FAAP100: variants seen among roughly 807,000 people sequenced by gnomAD.
FAAP100 encodes Fanconi anemia core complex-associated protein 100.
In FAAP100, 46 loss-of-function variants were observed where a neutral mutation model predicts 65.8. The ratio of observed to expected loss-of-function variants is 0.70; its 90% confidence interval spans 0.55 to 0.89. FAAP100 has a LOEUF of 0.89. Among genes scored for constraint, FAAP100 ranks in the 40% least tolerant of loss-of-function variants. The pLI, the probability that FAAP100 is intolerant of heterozygous loss-of-function variation, is 0.00. For synonymous variants in FAAP100, 663 were observed against 555.1 expected (o/e 1.19, Z -2.73); for missense variants, 1,165 against 1,196.7 (o/e 0.97, Z 0.39).
chr17:81,551,977 C>A lies in FAAP100; in HGVS notation c.241G>T (p.Ala81Ser). 1.3e-6 allele frequency: 2 copies of A among 1,566,172 alleles called. No individual in the cohort carries two copies. Among genetic ancestry groups the A allele is most frequent in the Non-Finnish European group, 1.7e-6 (2 of 1,165,292 alleles). ...APRRLLYALCARRGLYCLSLD... is the reference protein window; with the variant it reads ...APRRLLYALCSRRGLYCLSLD... ...GACAGGCAGTAGAGGCCCCTCCGGG[C>A]GCACAGCGCGTACAGCAACCTGCGC... The change falls in exon 2 of 9, where the codon GCC becomes TCC. Residue 81 changes from alanine to serine, a missense_variant. Coordinates refer to ENST00000327787, the MANE Select transcript of FAAP100 (RefSeq NM_025161.6).
In FAAP100 at chr17:81,550,768, G is replaced by A. The variant is rs1242942159; in HGVS notation, c.726C>T (p.Leu242=). 3 of 1,612,460 alleles carry A rather than the reference G, an allele frequency of 1.9e-6. No homozygotes were observed. The highest frequency in any genetic ancestry group is 2.5e-6 in the Non-Finnish European group (3 of 1,179,742). Residue 242 remains leucine (L), a synonymous_variant, in exon 3 of 9, where the codon CTC becomes CTT. Transcript: ENST00000327787. ...DATLLQSPVV[L]CGLPDGQLCC... Reference sequence around the variant, plus strand: ...AGAGCTGGCCATCAGGGAGACCACAGAGGACCACAGGTGACTGCAGGAGGG... The same window carrying A: ...AGAGCTGGCCATCAGGGAGACCACAAAGGACCACAGGTGACTGCAGGAGGG...
Position 81,544,070 on chromosome 17 carries a change from A to C in FAAP100, c.2361T>G (p.Ile787Met). Residue 787 changes from isoleucine (I) to methionine (M), a missense_variant, in exon 7 of 9, where the codon ATT (isoleucine) becomes ATG (methionine). Transcript: ENST00000327787. Reference protein sequence around the residue: ...CPAGPIQAVEIQVESSSLADI... With the variant: ...CPAGPIQAVEMQVESSSLADI... Reference sequence around the variant, plus strand: ...CGGCCAGAGAGGAGCTTTCCACTTGAATCTCCACGGCCTGGATGGGCCCTG... The same window carrying C: ...CGGCCAGAGAGGAGCTTTCCACTTGCATCTCCACGGCCTGGATGGGCCCTG... 6.2e-7 allele frequency: 1 copy of C among 1,612,606 alleles called. No individual in the cohort carries two copies. The highest frequency in any genetic ancestry group is 2.2e-5 in the East Asian group (1 of 44,858).
intron 5 of FAAP100, 118 bp from the exon 6 acceptor site, chr17:81,546,000 C>T (rs1393973104): frequency 9.7e-6 from 13 of 1,336,692 alleles, no homozygotes; most frequent in Non-Finnish European, 1.3e-5. Context: ...GCCATCTAAG[C>T]ATCCCAGCTG....
In FAAP100 at chr17:81,540,414, C is replaced by T. The variant is rs1396034759; in HGVS notation, c.*405G>A. 2.5e-6 allele frequency: 1 copy of T among 404,114 alleles called. No homozygotes were observed. The highest frequency in any genetic ancestry group is 2.1e-5 in the African/African-American group (1 of 48,738). 25.0% of individuals were successfully genotyped at this position (404,114 alleles called of 1,614,324 possible). Reference sequence around the variant, plus strand: ...GGCAGCAACAGTTACAAACTCACCCCAAGTCCAAACCCCAGAAATCCTGTT... The same window carrying T: ...GGCAGCAACAGTTACAAACTCACCCTAAGTCCAAACCCCAGAAATCCTGTT... On this transcript the variant is annotated 3_prime_UTR_variant, in exon 9 of 9. Coordinates refer to ENST00000327787, the MANE Select transcript of FAAP100 (RefSeq NM_025161.6).
rs759401424 is a variant in FAAP100 at position 81,550,524 on chromosome 17, T to C, written c.970A>G (p.Ile324Val). ...CCGGACTCATCCCAGCTGGCCTTGA[T>C]GGCCAGCATCCGGCCGTGGTGACCA... ...AFGHHGRMLA[I>V]KASWDESGKL... is the part of the protein sequence containing the mutation. Residue 324 changes from isoleucine (I) to valine (V), a missense_variant, in exon 3 of 9, where the codon ATC becomes GTC. Transcript: ENST00000327787. The C allele has an allele frequency of 3.7e-6, 6 of 1,612,746 alleles. No homozygotes were observed. The highest frequency in any genetic ancestry group is 3.3e-5 in the Admixed American group (2 of 60,008).
intron 7 of FAAP100, among the ~76,000 whole-genome samples, chr17:81,542,162 G>A (rs1160939438): frequency 3.4e-5 from 2 of 59,074 alleles, no homozygotes; most frequent in Admixed American, 2.8e-4. Flanking sequence ...GTGAGACTCC[G>A]TCTCAAAAAA....
In FAAP100 at chr17:81,546,791, C is replaced by A. The variant is rs924620282; in HGVS notation, c.2173+118G>T. ...ATCAATTGAGGCCAGGAGCTCGAGG[C>A]TGCAGTGAGCCATGATTGCACCACT... On this transcript the variant is annotated intron_variant, in intron 5 of 8. Transcript: ENST00000327787. 27 of 1,084,016 alleles carry A rather than the reference C, an allele frequency of 2.5e-5. No homozygotes were observed. In the African/African-American group the frequency reaches 4.2e-4, roughly 17 times the overall value. The allele number at this position is 1,084,016 out of a possible 1,614,324, so 67.1% of individuals were successfully genotyped here.
intron 3 of FAAP100, 132 bp downstream of exon 3, chr17:81,550,116 A>G (rs1412611512): frequency 5.7e-6 from 5 of 876,930 alleles, no homozygotes; most frequent in Middle Eastern, 3.1e-4. Flanking sequence ...GTTAACCACT[A>G]GGCTGTATCA....
rs1197579860 is a variant in FAAP100, at chr17:81,540,819, T to C, written c.2646A>G (p.Ter882TrpextTer39). 1 of 1,523,558 alleles carries C rather than the reference T, an allele frequency of 6.6e-7. No individual in the cohort carries two copies. The highest frequency in any genetic ancestry group is 8.8e-7 in the Non-Finnish European group (1 of 1,136,122). The allele number at this position is 1,523,558 out of a possible 1,614,324, so 94.4% of individuals were successfully genotyped here. ...AGAGCCCAGGGGCAGGCCCGCCTGG[T>C]CACAGCAGGATGAGGCTGGGGTGGC... ...QLRHPSLILL[*>W] is the part of the protein sequence containing the mutation. Residue 882 changes from the stop codon to tryptophan, a stop_lost, in exon 9 of 9, where the codon TGA becomes TGG. Coordinates refer to ENST00000327787, the MANE Select transcript of FAAP100 (RefSeq NM_025161.6).
In FAAP100 at chr17:81,541,397, T is replaced by C. The variant is rs1441470635; in HGVS notation, c.2428-2A>G. 1.9e-6 allele frequency: 3 copies of C among 1,603,094 alleles called. No individual in the cohort carries two copies. The highest frequency in any genetic ancestry group is 2.2e-5 in the South Asian group (2 of 90,566). ...GGTGGCCTGCTCTGTCACCATCGTCTGGGGGACACAGGAGACATGCTGGAG... is the reference window on the plus strand; with the variant it reads ...GGTGGCCTGCTCTGTCACCATCGTCCGGGGGACACAGGAGACATGCTGGAG... On this transcript the variant is annotated splice_acceptor_variant, in intron 7 of 8. Coordinates refer to ENST00000327787, the MANE Select transcript of FAAP100 (RefSeq NM_025161.6). LOFTEE classifies it high-confidence loss of function.
In FAAP100 at chr17:81,549,315, A is replaced by G. The variant is rs879602628; in HGVS notation, c.1294T>C (p.Cys432Arg). The change falls in exon 4 of 9, where the codon TGC (cysteine) becomes CGC (arginine). Residue 432 changes from cysteine to arginine, a missense_variant. Cys to Arg is a radical substitution (Grantham distance 180). Coordinates refer to ENST00000327787, the MANE Select transcript of FAAP100 (RefSeq NM_025161.6). ...ALSAKGRLMT[C>R]SLDLDSEMPG... ...ATCTCAGAGTCCAGGTCCAGGCTGC[A>G]GGTCATCAGGCGGCCTTTGGCGGAC... 6 of 1,612,444 alleles carry G rather than the reference A, an allele frequency of 3.7e-6. No individual in the cohort carries two copies. Among genetic ancestry groups the G allele is most frequent in the Non-Finnish European group, 5.1e-6 (6 of 1,179,668 alleles).
chr17:81,544,458 T>C (rs1351557053), intron 6 of FAAP100, among the ~76,000 whole-genome samples: 3 of 152,192 alleles, frequency 2.0e-5, no homozygotes, highest in African/African-American at 7.2e-5. Context: ...ACACACCTTG[T>C]GGACAACCTA....
At position 81,541,339 on chromosome 17, in the gene FAAP100, C is replaced by T; in HGVS notation, c.2484G>A (p.Gln828=). ...QGSSAPDLRV[Q]YLRQIHANHE... ...GGTTGGCGTGGATCTGGCGGAGGTA[C>T]TGCACACGGAGATCAGGAGCGCTGG... is the stretch of plus-strand genomic sequence containing the variant. Residue 828 remains glutamine, a synonymous_variant, in exon 8 of 9, where the codon CAG becomes CAA. Coordinates refer to ENST00000327787, the MANE Select transcript of FAAP100 (RefSeq NM_025161.6). The T allele has an allele frequency of 6.2e-7, 1 of 1,611,916 alleles. No homozygotes were observed. Among genetic ancestry groups the T allele is most frequent in the Non-Finnish European group, 8.5e-7 (1 of 1,179,846 alleles).
At position 81,540,670 on chromosome 17, in the gene FAAP100, T is replaced by C. The variant is rs917990974; in HGVS notation, c.*149A>G. 27 of 1,096,404 alleles carry C rather than the reference T, an allele frequency of 2.5e-5. No individual in the cohort carries two copies. The African/African-American group carries it at 4.2e-4, about 17-fold the overall frequency. 67.9% of individuals were successfully genotyped at this position (1,096,404 alleles called of 1,614,324 possible). A position where few individuals can be genotyped will look rare whatever the true frequency, so the allele number is the denominator to read the frequency against. On this transcript the variant is annotated 3_prime_UTR_variant, in exon 9 of 9. Coordinates refer to ENST00000327787, the MANE Select transcript of FAAP100 (RefSeq NM_025161.6). ...TGTGCTCCACGGCCTCCAAGCACTT[T>C]CATGAGCGTTCTGCTCCTACGTGGC...
Position 81,547,255 on chromosome 17 carries a change from C to G in FAAP100, c.1827G>C (p.Val609=). Residue 609 remains valine (V), a synonymous_variant, in exon 5 of 9, where the codon GTG becomes GTC. Transcript: ENST00000327787. ...SCTLFYSLRE[V]VGGALAPSDS... ...CTGAGGGGGCAAGGGCCCCGCCCAC[C>G]ACCTCCCTGAGACTGTAGAACAGCG... 6.3e-7 allele frequency: 1 copy of G among 1,596,318 alleles called. No individual in the cohort carries two copies.
Position 81,552,349 on chromosome 17 carries a change from AGAGT to A in FAAP100, c.-23_-20del. The stretch of plus-strand genomic sequence containing the variant: ...CGGCCATCGTGCGCGCGGGCCCGTC[AGAGT>A]GAGAAGCCCCGGCCGCGCGGCGGCG... On this transcript the variant is annotated 5_prime_UTR_variant, in exon 1 of 9. Coordinates refer to ENST00000327787, the MANE Select transcript of FAAP100 (RefSeq NM_025161.6). 7.4e-7 allele frequency: 1 copy of A among 1,350,760 alleles called. No homozygotes were observed. Among genetic ancestry groups the A allele is most frequent in the South Asian group, 1.9e-5 (1 of 52,822 alleles). The allele number at this position is 1,350,760 out of a possible 1,614,324, so 83.7% of individuals were successfully genotyped here.
Position 81,543,910 on chromosome 17 carries a change from G to A in FAAP100, c.2427+94C>T, listed in dbSNP as rs559062123. On this transcript the variant is annotated intron_variant, in intron 7 of 8. Coordinates refer to ENST00000327787, the MANE Select transcript of FAAP100 (RefSeq NM_025161.6). Reference sequence around the variant, plus strand: ...TCCTACAACTCCCTTGCAGGGAGCCGCAGACCCCGTGGCCAGCAGCTACAG... The same window carrying A: ...TCCTACAACTCCCTTGCAGGGAGCCACAGACCCCGTGGCCAGCAGCTACAG... 181 of 1,168,378 alleles carry A rather than the reference G, an allele frequency of 1.5e-4. 2 individuals carry two copies. The South Asian group carries it at 2.2e-3, about 14-fold the overall frequency. The allele number at this position is 1,168,378 out of a possible 1,614,324, so 72.4% of individuals were successfully genotyped here.
At chr17:81,545,938 C>A in intron 5 of FAAP100, 56 bp from the exon 6 acceptor site, 2 of 1,559,958 alleles carry the variant, frequency 1.3e-6, no homozygotes, top group Non-Finnish European at 1.7e-6. Context: ...TGGGCTCAGC[C>A]GATCCTACCA....
chr17:81,547,498 C>T lies in FAAP100; in HGVS notation c.1584G>A (p.Val528=). Residue 528 remains valine (V), a synonymous_variant, in exon 5 of 9, where the codon GTG becomes GTA. Transcript: ENST00000327787. ...QTQDVLMATC[V]LENSSSFSLD... The stretch of plus-strand genomic sequence containing the variant: ...GGCTGAAGCTGCTGCTGTTCTCTAG[C>T]ACGCAGGTGGCCATGAGCACATCCT... The T allele has an allele frequency of 1.2e-6, 2 of 1,613,452 alleles. No homozygotes were observed. Among genetic ancestry groups the T allele is most frequent in the South Asian group, 1.1e-5 (1 of 91,090 alleles).
Sources: gnomAD v4.1 joint callset for allele counts (sites outside exome capture counted in the v4.1 genomes callset) on GRCh38, gnomAD v4.1.1 for gene constraint, MANE v1.5 for transcripts, NCBI Gene and HGNC (gene_info 2026-07-23, HGNC 2026-07-21) for gene names.